Variants in JAK1 observed in about 807,000 individuals in gnomAD.
JAK1 encodes the protein tyrosine-protein kinase JAK1.
In JAK1, 16 loss-of-function variants were observed where a neutral mutation model predicts 136.6. The ratio of observed to expected loss-of-function variants is 0.12; its 90% confidence interval spans 0.08 to 0.18. JAK1 has a LOEUF of 0.18. JAK1 is among the 10% of genes least tolerant of loss of function. The probability of loss-of-function intolerance (pLI) is 1.00; values close to 1 mark genes in which losing one functional copy is unlikely to be tolerated. For synonymous variants in JAK1, 492 were observed against 519.5 expected, an observed-to-expected ratio of 0.95 and a Z score of 0.72; for missense variants, 859 against 1,450.1, an observed-to-expected ratio of 0.59 and a Z score of 6.62.
rs561480445 is a variant in JAK1 at position 64,885,677 on chromosome 1, T to C, written c.6+582A>G. Among the ~76,000 whole-genome samples, 514 of 150,744 alleles carry C rather than the reference T, an allele frequency of 3.4e-3. 5 individuals are homozygous for C. Among genetic ancestry groups the C allele is most frequent in the African/African-American group, 0.012 (490 of 40,934 alleles). ...CTGAGACAGGAGAATTGCTTGAACC[T>C]GGGAAAGCGGAGGTTGCCGCGAGCC... On this transcript the variant is annotated intron_variant, in intron 2 of 24. Coordinates refer to ENST00000342505, the MANE Select transcript of JAK1 (RefSeq NM_002227.4).
intron 1 of JAK1, among the ~76,000 whole-genome samples, chr1:64,886,811 A>G (rs1195630239): frequency 6.6e-6 from 1 of 151,762 alleles, no homozygotes; most frequent in Non-Finnish European, 1.5e-5. Flanking sequence ...TATTATTTTA[A>G]CAGCTTTCCT....
chr1:64,907,644 AG>A (rs1234958124), intron 1 of JAK1, among the ~76,000 whole-genome samples: 5 of 152,182 alleles, frequency 3.3e-5, no homozygotes, highest in East Asian at 1.9e-4. Context: ...GCATGGCACA[AG>A]TTTACCTATA....
At chr1:64,941,428 T>C (rs1645887870) in intron 1 of JAK1, among the ~76,000 whole-genome samples, 1 of 152,218 alleles carries the variant, frequency 6.6e-6, no homozygotes, top group South Asian at 2.1e-4. Context: ...CCAGTTATTA[T>C]TCTGATAATT....
At chr1:64,977,120 T>A (rs1646503125) in intron 2 of JAK1, among the ~76,000 whole-genome samples, 1 of 148,518 alleles carries the variant, frequency 6.7e-6, no homozygotes, top group Non-Finnish European at 1.5e-5. Context: ...TTCTATATTG[T>A]CCTCACAACA....
intron 2 of JAK1, among the ~76,000 whole-genome samples, chr1:64,884,150 A>G (rs1644818959): frequency 6.6e-6 from 1 of 152,128 alleles, no homozygotes; most frequent in African/African-American, 2.4e-5. Flanking sequence ...GGGCAGGAGG[A>G]GGCCTTACTT....
intron 13 of JAK1, among the ~76,000 whole-genome samples, 172 bp downstream of exon 13, chr1:64,847,360 C>T (rs954704145): frequency 2.0e-5 from 3 of 152,122 alleles, no homozygotes; most frequent in Admixed American, 6.5e-5. Context: ...ACCTCACTTA[C>T]TCTACATGCA....
rs192227746 is a variant in JAK1 at position 64,982,387 on chromosome 1, A to G, written c.-78+62093T>C. ...CATTACCCCAACATCACACAGCAGC[A>G]GCCACAGTCCGGGAGGTAAATTGGC... On this transcript the variant is annotated intron_variant, in intron 2 of 25. Transcript: ENST00000671954. 9.2e-5 allele frequency among the ~76,000 whole-genome samples: 14 copies of G among 152,324 alleles called. No homozygotes were observed. The East Asian group carries it at 2.5e-3, about 27-fold the overall frequency.
intron 1 of JAK1, among the ~76,000 whole-genome samples, chr1:64,931,964 G>T (rs992118285): frequency 4.0e-5 from 6 of 151,536 alleles, no homozygotes; most frequent in African/African-American, 1.5e-4. Flanking sequence ...GGAGGGGGGG[G>T]GATATTCAAT....
rs779970737 is a variant in JAK1, at chr1:64,860,143, G to A, written c.1296C>T (p.Ile432=). ...YLCTDVAPPL[I]VHNIQNGCHG... ...GACAGCCATTCTGTATGTTGTGGAC[G>A]ATCAACGGGGGGGCCACGTCGGTGC... Residue 432 remains isoleucine, a synonymous_variant, in exon 9 of 25, where the codon ATC becomes ATT. Transcript: ENST00000342505. 14 of 1,599,244 alleles carry A rather than the reference G, an allele frequency of 8.8e-6. No individual in the cohort carries two copies. Among genetic ancestry groups the A allele is most frequent in the African/African-American group, 4.0e-5 (3 of 74,784 alleles).
intron 2 of JAK1, among the ~76,000 whole-genome samples, chr1:65,005,754 G>A (rs573305672): frequency 1.3e-4 from 20 of 152,224 alleles, no homozygotes; most frequent in African/African-American, 4.6e-4. Flanking sequence ...AGATTTGATT[G>A]CAATTCCAAT....
At chr1:64,849,673 G>A (rs1428477168) in intron 12 of JAK1, among the ~76,000 whole-genome samples, 2 of 152,260 alleles carry the variant, frequency 1.3e-5, no homozygotes, top group African/African-American at 4.8e-5. Context: ...TGCCTCGCAC[G>A]TGTAATGCTT....
At chr1:64,977,537 T>C (rs1646507222) in intron 2 of JAK1, among the ~76,000 whole-genome samples, 1 of 150,862 alleles carries the variant, frequency 6.6e-6, no homozygotes, top group Non-Finnish European at 1.5e-5. Context: ...TTCCTGCCAT[T>C]CTCCTGCCTC....
intron 1 of JAK1, among the ~76,000 whole-genome samples, chr1:64,957,622 A>C (rs1646211786): frequency 6.6e-6 from 1 of 151,678 alleles, no homozygotes; most frequent in South Asian, 2.1e-4. Flanking sequence ...CATCCTGGCT[A>C]ACACGGTGAA....
chr1:64,988,909 T>A (rs570062297), intron 2 of JAK1, among the ~76,000 whole-genome samples: 41 of 148,458 alleles, frequency 2.8e-4, no homozygotes, highest in African/African-American at 7.9e-4. Flanking sequence ...AATTTAAAAA[T>A]ATATATATAT....
At chr1:64,860,299 GTC>G (rs1656209117) in intron 8 of JAK1, 37 bp from the exon 9 acceptor site, 5 of 1,555,304 alleles carry the variant, frequency 3.2e-6, no homozygotes, top group Non-Finnish European at 4.4e-6. Context: ...GTTACATCAT[GTC>G]TCTATCAGCT....
intron 2 of JAK1, among the ~76,000 whole-genome samples, chr1:65,022,348 T>C (rs1646944755): frequency 6.6e-6 from 1 of 152,202 alleles, no homozygotes; most frequent in Non-Finnish European, 1.5e-5. Flanking sequence ...TCCATGCTAG[T>C]GAAGCAATTA....
chr1:64,919,007 C>T (rs6588106), intron 1 of JAK1, among the ~76,000 whole-genome samples: 144,986 of 152,256 alleles, frequency 0.95, 69,441 homozygotes, highest in East Asian at 1. Context: ...TTTCACCTGG[C>T]TCCTTTTACC....
rs535903746 is a variant in JAK1, at chr1:64,877,621, A to G, written c.329+1404T>C. Among the ~76,000 whole-genome samples, 5 of 144,258 alleles carry G rather than the reference A, an allele frequency of 3.5e-5. No homozygotes were observed. The East Asian group carries it at 1.0e-3, about 29-fold the overall frequency. 94.6% of individuals were successfully genotyped at this position (144,258 alleles called of 152,430 possible). A position where few individuals can be genotyped will look rare whatever the true frequency, so the allele number is the denominator to read the frequency against. ...TTTCTGGGTATTAGTTTTTCCACTG[A>G]AAAAAAAATGAAAGAGTTGAATTAG... On this transcript the variant is annotated intron_variant, in intron 4 of 24. Coordinates refer to ENST00000342505, the MANE Select transcript of JAK1 (RefSeq NM_002227.4).
At chr1:64,850,244 A>G (rs1655503382) in intron 12 of JAK1, among the ~76,000 whole-genome samples, 1 of 152,190 alleles carries the variant, frequency 6.6e-6, no homozygotes. Flanking sequence ...GCTCCAGGGC[A>G]GCCCCTGGGG....
Sources: allele counts gnomAD v4.1 joint callset (sites outside exome capture counted in the v4.1 genomes callset), GRCh38; gene constraint gnomAD v4.1.1; transcripts MANE v1.5; gene names NCBI Gene and HGNC (gene_info 2026-07-23, HGNC 2026-07-21).